GDA: variants seen among roughly 807,000 people sequenced by gnomAD.
GDA encodes cytoplasmic PSD-95 interactor.
A neutral mutation model predicts 59.6 loss-of-function variants in GDA; 18 were observed. That is an observed-to-expected ratio of 0.30 (90% CI 0.21 to 0.45). The LOEUF is 0.45. Ranked by LOEUF, GDA falls within the 20% of genes least tolerant of loss-of-function variation. The pLI is 1.00. For synonymous variants in GDA, 201 were observed against 201.1 expected, an observed-to-expected ratio of 1.00 and a Z score of 0.00; for missense variants, 427 against 552.3, an observed-to-expected ratio of 0.77 and a Z score of 2.27.
downstream of GDA, among the ~76,000 whole-genome samples, chr9:72,258,027 G>T (rs1422084651): frequency 6.6e-6 from 1 of 151,626 alleles, no homozygotes; most frequent in African/African-American, 2.4e-5. Context: ...GAAATAAATG[G>T]AGGCCAGGTA....
intron 1 of GDA, among the ~76,000 whole-genome samples, chr9:72,165,807 A>G (rs1280154939): frequency 6.6e-6 from 1 of 151,456 alleles, no homozygotes. Context: ...CTGAGGGGGG[A>G]GAACTGCTCG....
chr9:72,177,957 T>C, intron 1 of GDA, among the ~76,000 whole-genome samples: 1 of 152,376 alleles, frequency 6.6e-6, no homozygotes, highest in African/African-American at 2.4e-5. Flanking sequence ...CCCACCTCGC[T>C]ACTCTGTTGT....
At chr9:72,157,030 C>CTTTTTTTTT (rs544126638) in intron 1 of GDA, among the ~76,000 whole-genome samples, 1 of 104,074 alleles carries the variant, frequency 9.6e-6, no homozygotes, top group Non-Finnish European at 1.8e-5. Flanking sequence ...TCTAGACTTC[C>CTTTTTTTTT]TTTTTTTTTT....
At chr9:72,137,242 C>CTTTTTTTTTTTTTTTTTTTT (rs143364725) in intron 1 of GDA, among the ~76,000 whole-genome samples, 1 of 84,506 alleles carries the variant, frequency 1.2e-5, no homozygotes, top group African/African-American at 4.6e-5. Flanking sequence ...TTCTTTTTTT[C>CTTTTTTTTTTTTTTTTTTTT]TTTTTTTTTT....
At chr9:72,127,898 T>C (rs140085103) in intron 1 of GDA, among the ~76,000 whole-genome samples, 112 of 152,342 alleles carry the variant, frequency 7.4e-4, no homozygotes, top group African/African-American at 2.0e-3. Context: ...GTTTTCCACA[T>C]TCAGTTTTTA....
chr9:72,188,979 T>G lies in GDA; in HGVS notation c.124-6521T>G, dbSNP rs543359245. On this transcript the variant is annotated intron_variant, in intron 1 of 13. Coordinates refer to ENST00000358399, the MANE Select transcript of GDA (RefSeq NM_004293.5). ...TTGGGTTTTGGACTTAATTGGAGTC[T>G]GTTACTCTTCTCTTTTTGCCTATTT... is the stretch of plus-strand genomic sequence containing the variant. Among the ~76,000 whole-genome samples, 47 of 152,260 alleles carry G rather than the reference T, an allele frequency of 3.1e-4. 1 individual carries two copies. In the South Asian group the frequency reaches 9.7e-3, roughly 32 times the overall value.
intron 11 of GDA, 45 bp downstream of exon 11, chr9:72,241,343 TG>T: frequency 7.0e-7 from 1 of 1,432,542 alleles, no homozygotes; most frequent in Non-Finnish European, 9.6e-7. Flanking sequence ...ACAACCATGC[TG>T]ATCGGTGTCT....
intron 2 of GDA, among the ~76,000 whole-genome samples, chr9:72,198,846 G>GATATATATATATATATATATATATAT (rs141544036): frequency 0.018 from 2,335 of 128,028 alleles, 51 homozygotes; most frequent in Non-Finnish European, 0.026. Flanking sequence ...TATATAGGGG[G>GATATATATATATATATATATATATAT]ATATATATAT....
chr9:72,198,299 G>C (rs983857996), intron 2 of GDA, among the ~76,000 whole-genome samples: 5 of 151,920 alleles, frequency 3.3e-5, no homozygotes, highest in Admixed American at 2.0e-4. Context: ...CAGCACTTTG[G>C]GAGGCCGAGG....
intron 1 of GDA, among the ~76,000 whole-genome samples, chr9:72,143,572 C>G (rs1161033614): frequency 6.6e-6 from 1 of 152,168 alleles, no homozygotes; most frequent in Non-Finnish European, 1.5e-5. Context: ...ACCTTCCAGC[C>G]AGAAAAATAT....
chr9:72,179,676 G>C (rs1284387562), intron 1 of GDA, among the ~76,000 whole-genome samples: 2 of 152,138 alleles, frequency 1.3e-5, no homozygotes, highest in South Asian at 4.2e-4. Flanking sequence ...CCACAAACAG[G>C]GAGGCTTAAA....
chr9:72,155,562 A>G (rs1046857173), intron 1 of GDA, among the ~76,000 whole-genome samples: 3 of 152,216 alleles, frequency 2.0e-5, no homozygotes, highest in African/African-American at 4.8e-5. Context: ...TCAGAGTCCA[A>G]AGGTTGAGGA....
At chr9:72,239,954 A>G (rs1305442271) in intron 10 of GDA, among the ~76,000 whole-genome samples, 1 of 152,188 alleles carries the variant, frequency 6.6e-6, no homozygotes, top group East Asian at 1.9e-4. Flanking sequence ...ACTAACAATT[A>G]CATATGTCTA....
chr9:72,236,651 A>T (rs1564168297), intron 10 of GDA, among the ~76,000 whole-genome samples: 1 of 152,186 alleles, frequency 6.6e-6, no homozygotes, highest in African/African-American at 2.4e-5. Context: ...CAGCATCTCA[A>T]TAAACTAATT....
intron 1 of GDA, among the ~76,000 whole-genome samples, chr9:72,140,225 G>C (rs1826391217): frequency 6.6e-6 from 1 of 152,136 alleles, no homozygotes; most frequent in Admixed American, 6.5e-5. Flanking sequence ...TTTGGTTTTT[G>C]TATTTTTCTG....
intron 1 of GDA, among the ~76,000 whole-genome samples, chr9:72,125,207 A>G (rs973865304): frequency 3.3e-5 from 5 of 152,162 alleles, no homozygotes; most frequent in African/African-American, 1.2e-4. Context: ...TTGCCTTTGA[A>G]GCACTGGTTT....
chr9:72,114,901 C>A (rs1186046870), intron 1 of GDA: 1 of 152,178 alleles, frequency 6.6e-6, no homozygotes, highest in South Asian at 2.1e-4. Context: ...ATACTGAGTA[C>A]CACAGCCCTG....
chr9:72,204,191 A>G (rs1834378046), intron 3 of GDA, among the ~76,000 whole-genome samples: 1 of 152,154 alleles, frequency 6.6e-6, no homozygotes, highest in Admixed American at 6.5e-5. Flanking sequence ...CATATTTAGC[A>G]TGCACCACAT....
intron 1 of GDA, among the ~76,000 whole-genome samples, chr9:72,130,742 A>G (rs1428835504): frequency 6.6e-6 from 1 of 152,240 alleles, no homozygotes; most frequent in Admixed American, 6.5e-5. Context: ...TGAAGACTTT[A>G]GAGTGAAATT....
Sources: gnomAD v4.1 joint callset for allele counts (sites outside exome capture counted in the v4.1 genomes callset) on GRCh38, gnomAD v4.1.1 for gene constraint, MANE v1.5 for transcripts, NCBI Gene and HGNC (gene_info 2026-07-23, HGNC 2026-07-21) for gene names.